The following IREB2 variants were observed in gnomAD, a reference collection of about 807,000 sequenced individuals.
IREB2 encodes iron-responsive element-binding protein 2.
In IREB2, 39 loss-of-function variants were observed where a neutral mutation model predicts 118.8. That is an observed-to-expected ratio of 0.33 (90% CI 0.25 to 0.43). The LOEUF is 0.43. Ranked by LOEUF, IREB2 falls within the 20% of genes least tolerant of loss-of-function variation. The probability of loss-of-function intolerance (pLI) is 1.00; values close to 1 mark genes in which losing one functional copy is unlikely to be tolerated. For synonymous variants in IREB2, 372 were observed against 392.2 expected (o/e 0.95, Z 0.61); for missense variants, 900 against 1,147.3 (o/e 0.78, Z 3.11).
chr15:78,439,678 C>T, intron 1 of IREB2, 117 bp from the exon 2 acceptor site: 1 of 633,518 alleles, frequency 1.6e-6, no homozygotes, highest in Non-Finnish European at 2.7e-6. Flanking sequence ...ACAGCTCAAA[C>T]ATAGAATATT....
At chr15:78,439,086 G>C (rs1396686105) in intron 1 of IREB2, among the ~76,000 whole-genome samples, 4 of 152,010 alleles carry the variant, frequency 2.6e-5, no homozygotes, top group African/African-American at 9.7e-5. Context: ...CTGCCTCCCC[G>C]CCACTGCCCC....
chr15:78,499,500 T>C lies in IREB2; in HGVS notation c.*1357T>C, dbSNP rs1279921246. On this transcript the variant is annotated 3_prime_UTR_variant, in exon 22 of 22. Coordinates refer to ENST00000258886, the MANE Select transcript of IREB2 (RefSeq NM_004136.4). ...TAGTTCACATTGCATAAAGAATTAC[T>C]TGTTGTAAGCAAAATGCTGAAACTA... 1 of 152,212 alleles carries C rather than the reference T, an allele frequency of 6.6e-6. No homozygotes were observed. Among genetic ancestry groups the C allele is most frequent in the East Asian group, 1.9e-4 (1 of 5,202 alleles). 9.4% of individuals were successfully genotyped at this position (152,212 alleles called of 1,614,324 possible).
intron 5 of IREB2, among the ~76,000 whole-genome samples, chr15:78,466,859 C>A (rs2051291485): frequency 6.6e-6 from 1 of 151,498 alleles, no homozygotes; most frequent in Non-Finnish European, 1.5e-5. Flanking sequence ...ATGTTAATTC[C>A]CTGTATATAT....
intron 8 of IREB2, chr15:78,473,800 T>G (rs181925984): frequency 6.5e-6 from 1 of 153,392 alleles, no homozygotes; most frequent in Non-Finnish European, 1.5e-5. Context: ...CCTTGTTGCC[T>G]TAATAAACAC....
At position 78,466,351 on chromosome 15, in the gene IREB2, A is replaced by C. The variant is rs1274841903; in HGVS notation, c.491A>C (p.Lys164Thr). Reference sequence around the variant, plus strand: ...CTCTCTCCACTTAAAGTGCAGCCTAAGAAGCTTCCCTGCAGAGGCCAGACT... The same window carrying C: ...CTCTCTCCACTTAAAGTGCAGCCTACGAAGCTTCCCTGCAGAGGCCAGACT... ...GKLSPLKVQP[K>T]KLPCRGQTTC... The change falls in exon 5 of 22, where the codon AAG becomes ACG. Residue 164 changes from lysine (K) to threonine (T), a missense_variant. Physicochemically the swap from Lys to Thr is moderately conservative, Grantham distance 78. Transcript: ENST00000258886. 3.1e-6 allele frequency: 5 copies of C among 1,613,964 alleles called. No homozygotes were observed. Among genetic ancestry groups the C allele is most frequent in the Non-Finnish European group, 4.2e-6 (5 of 1,179,836 alleles).
rs539123409 is a variant in IREB2 at position 78,488,559 on chromosome 15, C to T, written c.1952-88C>T. On this transcript the variant is annotated intron_variant, in intron 15 of 21. Transcript: ENST00000258886. ...CTGAAGCACCCTGTTGAATCATTTA[C>T]TTGATTTCCATGATATGTCTTTGAA... The T allele has an allele frequency of 3.9e-5, 51 of 1,308,286 alleles. No homozygotes were observed. The East Asian group carries it at 1.0e-3, about 26-fold the overall frequency. The allele number at this position is 1,308,286 out of a possible 1,614,324, so 81.0% of individuals were successfully genotyped here.
chr15:78,460,492 A>G lies in IREB2; in HGVS notation c.107-2430A>G, dbSNP rs376021603. Among the ~76,000 whole-genome samples, 15 of 152,288 alleles carry G rather than the reference A, an allele frequency of 9.8e-5. No individual in the cohort carries two copies. In the East Asian group the frequency reaches 1.7e-3, roughly 18 times the overall value. ...TGAATTATAGTTATTACTCATTTTG[A>G]TGCTCAGATTGACCCGTTAGTGTCC... is the stretch of plus-strand genomic sequence containing the variant. On this transcript the variant is annotated intron_variant, in intron 2 of 21. Coordinates refer to ENST00000258886, the MANE Select transcript of IREB2 (RefSeq NM_004136.4).
chr15:78,496,991 A>G (rs1459428785), intron 20 of IREB2, 135 bp from the exon 21 acceptor site: 1 of 640,212 alleles, frequency 1.6e-6, no homozygotes. Flanking sequence ...ATACTTTGAT[A>G]AAATATTGAT....
chr15:78,484,143 G>A (rs917064266), intron 11 of IREB2, among the ~76,000 whole-genome samples: 2 of 151,706 alleles, frequency 1.3e-5, no homozygotes, highest in African/African-American at 2.4e-5. Flanking sequence ...GGCTTTTGAG[G>A]GTTTGTATTT....
chr15:78,487,850 G>A, intron 14 of IREB2, 33 bp downstream of exon 14: 6 of 1,260,570 alleles, frequency 4.8e-6, no homozygotes, highest in Non-Finnish European at 6.9e-6. Context: ...ACATCTAAAT[G>A]ATTTTCTTAA....
intron 2 of IREB2, among the ~76,000 whole-genome samples, chr15:78,458,613 C>G (rs1424517967): frequency 6.6e-6 from 1 of 152,068 alleles, no homozygotes; most frequent in Non-Finnish European, 1.5e-5. Flanking sequence ...CACCACTCAC[C>G]CCATCTAAGG....
intron 2 of IREB2, among the ~76,000 whole-genome samples, chr15:78,446,936 G>T (rs1264783313): frequency 6.6e-6 from 1 of 152,146 alleles, no homozygotes; most frequent in Non-Finnish European, 1.5e-5. Flanking sequence ...ATCAATAGTA[G>T]ATATTATTTT....
chr15:78,497,391 T>C (rs577688955), intron 21 of IREB2, 80 bp downstream of exon 21: 4 of 1,002,280 alleles, frequency 4.0e-6, no homozygotes, highest in Non-Finnish European at 6.1e-6. Context: ...TGCTGTAAAT[T>C]ATATACTAAT....
intron 2 of IREB2, 39 bp from the exon 3 acceptor site, chr15:78,462,883 G>A: frequency 5.5e-6 from 8 of 1,467,850 alleles, no homozygotes; most frequent in Non-Finnish European, 7.4e-6. Flanking sequence ...ATATAGGTAT[G>A]ACTGTTTGCT....
At chr15:78,473,607 C>G (rs560187306) in intron 8 of IREB2, 1 of 475,816 alleles carries the variant, frequency 2.1e-6, no homozygotes, top group Non-Finnish European at 3.7e-6. Context: ...TCATTTAGTC[C>G]TTATAACAAG....
chr15:78,438,344 G>C lies in IREB2; in HGVS notation c.7G>C (p.Ala3Pro). The change falls in exon 1 of 22, where the codon GCC becomes CCC. Residue 3 changes from alanine to proline, a missense_variant. Transcript: ENST00000258886. ...GATAATATGGTCTCCGGCGATGGACGCCCCAAAAGCAGGTCAGTTTCGGGC... is the reference window on the plus strand; with the variant it reads ...GATAATATGGTCTCCGGCGATGGACCCCCCAAAAGCAGGTCAGTTTCGGGC... MD[A>P]PKAGYAFEYL... The C allele has an allele frequency of 6.3e-6, 10 of 1,596,372 alleles. No individual in the cohort carries two copies. Among genetic ancestry groups the C allele is most frequent in the Non-Finnish European group, 8.5e-6 (10 of 1,172,342 alleles).
chr15:78,442,319 G>A (rs1213662524), intron 2 of IREB2, among the ~76,000 whole-genome samples: 1 of 152,196 alleles, frequency 6.6e-6, no homozygotes, highest in Non-Finnish European at 1.5e-5. Context: ...AAGTTAGGTA[G>A]GAAGTATTTG....
In IREB2 at chr15:78,490,838, C is replaced by A. The variant is rs2051739013; in HGVS notation, c.2324+77C>A. 2.9e-6 allele frequency: 4 copies of A among 1,363,864 alleles called. No individual in the cohort carries two copies. In the Admixed American group the frequency reaches 6.0e-5, roughly 21 times the overall value. The allele number at this position is 1,363,864 out of a possible 1,614,324, so 84.5% of individuals were successfully genotyped here. A position where few individuals can be genotyped will look rare whatever the true frequency, so the allele number is the denominator to read the frequency against. ...TTAAGAGGCTTCTATTGGTCTTGTT[C>A]CTTTTTTCCAGTAAATACATGCTAT... is the stretch of plus-strand genomic sequence containing the variant. On this transcript the variant is annotated intron_variant, in intron 18 of 21. Transcript: ENST00000258886.
Position 78,462,827 on chromosome 15 carries a change from A to G in IREB2, c.107-95A>G, listed in dbSNP as rs112729847. 20 of 904,014 alleles carry G rather than the reference A, an allele frequency of 2.2e-5. No individual in the cohort carries two copies. The African/African-American group carries it at 2.7e-4, about 12-fold the overall frequency. 56.0% of individuals were successfully genotyped at this position (904,014 alleles called of 1,614,324 possible). On this transcript the variant is annotated intron_variant, in intron 2 of 21. Coordinates refer to ENST00000258886, the MANE Select transcript of IREB2 (RefSeq NM_004136.4). ...ATTGTTTAAATTGAGAAAACAGTGCATTTTTGTCTTTGTCTAACTTTTTGC... is the reference window on the plus strand; with the variant it reads ...ATTGTTTAAATTGAGAAAACAGTGCGTTTTTGTCTTTGTCTAACTTTTTGC...
Sources: gnomAD v4.1 joint callset for allele counts (sites outside exome capture counted in the v4.1 genomes callset) on GRCh38, gnomAD v4.1.1 for gene constraint, MANE v1.5 for transcripts, NCBI Gene and HGNC (gene_info 2026-07-23, HGNC 2026-07-21) for gene names.